STK32B: variants seen among roughly 807,000 people sequenced by gnomAD.
STK32B encodes the protein serine/threonine kinase 32B.
A neutral mutation model predicts 52.6 loss-of-function variants in STK32B; 43 were observed. That is an observed-to-expected ratio of 0.82 (90% CI 0.64 to 1.05). The LOEUF (loss-of-function observed/expected upper bound fraction) is 1.05. Among genes scored for constraint, STK32B ranks in the 50% least tolerant of loss-of-function variants. STK32B has a pLI of 0.00. For missense variants in STK32B, 621 were observed against 534.6 expected (o/e 1.16, Z -1.59); for synonymous variants, 238 against 204.3 (o/e 1.17, Z -1.41).
At chr4:5,370,529 G>A (rs990699782) in intron 4 of STK32B, among the ~76,000 whole-genome samples, 2 of 152,146 alleles carry the variant, frequency 1.3e-5, no homozygotes, top group African/African-American at 4.8e-5. Context: ...TGTTCAGTGT[G>A]TAAAAGAAGC....
At chr4:5,282,009 G>A (rs541594570) in intron 3 of STK32B, among the ~76,000 whole-genome samples, 25 of 151,414 alleles carry the variant, frequency 1.7e-4, no homozygotes, top group Non-Finnish European at 3.2e-4. Flanking sequence ...TATGCTTATG[G>A]GTTATAATGT....
intron 1 of STK32B, among the ~76,000 whole-genome samples, chr4:5,123,666 C>G (rs954708101): frequency 6.6e-6 from 1 of 152,122 alleles, no homozygotes; most frequent in Non-Finnish European, 1.5e-5. Flanking sequence ...GTTCTTATCA[C>G]CTCTTTTTAC....
At chr4:5,436,401 G>GGA (rs1398853590) in intron 6 of STK32B, among the ~76,000 whole-genome samples, 1 of 152,182 alleles carries the variant, frequency 6.6e-6, no homozygotes, top group East Asian at 1.9e-4. Context: ...GTTTAGAGCT[G>GGA]AAAGGACATG....
At chr4:5,019,409 G>T in the STK32B span, 1 of 1,487,026 alleles carries the variant, frequency 6.7e-7, no homozygotes, top group African/African-American at 1.5e-5. Context: ...CCCGCCAGGA[G>T]CAGCAGCAGC....
At chr4:5,303,256 A>G (rs1729690823) in intron 3 of STK32B, among the ~76,000 whole-genome samples, 1 of 152,148 alleles carries the variant, frequency 6.6e-6, no homozygotes, top group Non-Finnish European at 1.5e-5. Context: ...AGGAATCTCC[A>G]CACTGTTTTC....
chr4:5,226,567 T>G (rs977899279), intron 3 of STK32B, among the ~76,000 whole-genome samples: 2 of 152,220 alleles, frequency 1.3e-5, no homozygotes, highest in African/African-American at 4.8e-5. Flanking sequence ...ATGCCATCTG[T>G]GCTATCTGCT....
At chr4:5,054,416 T>TG (rs962907716) in intron 1 of STK32B, among the ~76,000 whole-genome samples, 64 of 147,562 alleles carry the variant, frequency 4.3e-4, no homozygotes, top group African/African-American at 1.5e-3. Context: ...AGGAGTTACC[T>TG]GGGGGGAAGA....
In STK32B at chr4:5,466,711, G is replaced by T. The variant is rs747704616; in HGVS notation, c.918G>T (p.Arg306Ser). ...TTTCTACTCCCCTTTAGAAAGGGAGGTTGAACTGCGATCCCACATTTGAGC... is the reference window on the plus strand; with the variant it reads ...TTTCTACTCCCCTTTAGAAAGGGAGTTTGAACTGCGATCCCACATTTGAGC... ...LMPGFVPNKGRLNCDPTFELE... is the reference protein window; with the variant it reads ...LMPGFVPNKGSLNCDPTFELE... Residue 306 changes from arginine (R) to serine (S), a missense_variant, in exon 10 of 12, where the codon AGG (arginine) becomes AGT (serine). Physicochemically the swap from Arg to Ser is moderately radical, Grantham distance 110 (BLOSUM62 -1). Coordinates refer to ENST00000282908, the MANE Select transcript of STK32B (RefSeq NM_018401.3). 23 of 1,613,222 alleles carry T rather than the reference G, an allele frequency of 1.4e-5. No homozygotes were observed. In the African/African-American group the frequency reaches 3.1e-4, roughly 22 times the overall value.
At chr4:5,089,649 T>C (rs931393129) in intron 1 of STK32B, among the ~76,000 whole-genome samples, 6 of 152,204 alleles carry the variant, frequency 3.9e-5, no homozygotes, top group Non-Finnish European at 7.3e-5. Context: ...GTATGTAGTA[T>C]GTAGCAATAA....
At chr4:5,111,724 C>A (rs980274531) in intron 1 of STK32B, among the ~76,000 whole-genome samples, 6 of 152,000 alleles carry the variant, frequency 3.9e-5, no homozygotes, top group Non-Finnish European at 8.8e-5. Context: ...ACCCATGTAA[C>A]AAACAAACAC....
intron 11 of STK32B, among the ~76,000 whole-genome samples, 185 bp downstream of exon 11, chr4:5,468,255 G>A (rs1389809788): frequency 4.6e-5 from 7 of 152,216 alleles, no homozygotes; most frequent in East Asian, 3.9e-4. Flanking sequence ...ACAGGGCTCC[G>A]ATCCTGCCTC....
At chr4:5,493,467 C>G (rs553381608) in intron 11 of STK32B, among the ~76,000 whole-genome samples, 2 of 152,220 alleles carry the variant, frequency 1.3e-5, no homozygotes, top group South Asian at 4.1e-4. Context: ...ATTCTTCTCT[C>G]TTTTCTTCTT....
intron 4 of STK32B, among the ~76,000 whole-genome samples, chr4:5,359,330 TCCATCCAC>T (rs1261015970): frequency 6.6e-5 from 10 of 151,938 alleles, no homozygotes; most frequent in Non-Finnish European, 7.4e-5. Flanking sequence ...CATCTACCCA[TCCATCCAC>T]CCATCCACCC....
chr4:5,042,746 G>C, the STK32B span, among the ~76,000 whole-genome samples: 1 of 152,198 alleles, frequency 6.6e-6, no homozygotes, highest in Non-Finnish European at 1.5e-5. Flanking sequence ...AGGGTGGCCA[G>C]GTTAAATGCA....
chr4:5,032,144 G>C, the STK32B span, among the ~76,000 whole-genome samples: 1 of 150,376 alleles, frequency 6.6e-6, no homozygotes, highest in Admixed American at 6.6e-5. Flanking sequence ...GAGACTAGTA[G>C]CCAGTTATGA....
At chr4:5,252,905 C>T (rs1171310071) in intron 3 of STK32B, among the ~76,000 whole-genome samples, 1 of 152,112 alleles carries the variant, frequency 6.6e-6, no homozygotes, top group East Asian at 1.9e-4. Flanking sequence ...ATTCTCTCCC[C>T]TTGTCTCACC....
At chr4:5,136,042 G>A (rs1716055171) in intron 1 of STK32B, among the ~76,000 whole-genome samples, 1 of 152,106 alleles carries the variant, frequency 6.6e-6, no homozygotes, top group African/African-American at 2.4e-5. Flanking sequence ...GTGAATTCAG[G>A]AGGTGGTACA....
intron 5 of STK32B, among the ~76,000 whole-genome samples, chr4:5,411,067 ACT>A (rs1444915487): frequency 6.9e-6 from 1 of 144,306 alleles, no homozygotes; most frequent in African/African-American, 2.6e-5. Context: ...ATGGTGTCTC[ACT>A]CTGTCACCCA....
chr4:5,261,498 T>C (rs1476814259), intron 3 of STK32B, among the ~76,000 whole-genome samples: 1 of 152,168 alleles, frequency 6.6e-6, no homozygotes, highest in Non-Finnish European at 1.5e-5. Context: ...ATTAAGACCC[T>C]GTCACACATC....
Sources: allele counts gnomAD v4.1 joint callset (sites outside exome capture counted in the v4.1 genomes callset), GRCh38; gene constraint gnomAD v4.1.1; transcripts MANE v1.5; gene names NCBI Gene and HGNC (gene_info 2026-07-23, HGNC 2026-07-21).